TGS1: variants seen among roughly 807,000 people sequenced by gnomAD.
TGS1 encodes trimethylguanosine synthase 1.
A neutral mutation model predicts 92.2 loss-of-function variants in TGS1; 69 were observed. That is an observed-to-expected ratio of 0.75 (90% CI 0.62 to 0.91). TGS1 has a LOEUF of 0.91. Among genes scored for constraint, TGS1 ranks in the 40% least tolerant of loss-of-function variants. The pLI is 0.00. For missense variants in TGS1, 1,062 were observed against 1,001.2 expected, an observed-to-expected ratio of 1.06 and a Z score of -0.82; for synonymous variants, 345 against 338.1, an observed-to-expected ratio of 1.02 and a Z score of -0.22.
intron 10 of TGS1, among the ~76,000 whole-genome samples, chr8:55,806,385 GAA>G (rs34109669): frequency 5.0e-5 from 6 of 121,004 alleles, no homozygotes; most frequent in African/African-American, 1.8e-4. Flanking sequence ...AAAGACAAAA[GAA>G]AAAAAAAAAC....
At position 55,786,724 on chromosome 8, in the gene TGS1, A is replaced by C. The variant is rs1811725965; in HGVS notation, c.826A>C (p.Lys276Gln). 6.2e-7 allele frequency: 1 copy of C among 1,614,180 alleles called. No individual in the cohort carries two copies. The highest frequency in any genetic ancestry group is 1.3e-5 in the African/African-American group (1 of 75,050). Residue 276 changes from lysine (K) to glutamine (Q), a missense_variant, in exon 4 of 13, where the codon AAA becomes CAA. Transcript: ENST00000260129. ...CTGTGATACAGATACTTACACATCT[A>C]AAACAGAAGCTGATGACAAGAACGA... ...QSCDTDTYTS[K>Q]TEADDKNDEK...
intron 1 of TGS1, among the ~76,000 whole-genome samples, chr8:55,779,147 G>A (rs1373082958): frequency 6.6e-6 from 1 of 152,126 alleles, no homozygotes; most frequent in Non-Finnish European, 1.5e-5. Flanking sequence ...TGTGGATTAA[G>A]GTACACTAAT....
At chr8:55,811,464 A>AAG (rs980743005) in intron 11 of TGS1, among the ~76,000 whole-genome samples, 1 of 149,330 alleles carries the variant, frequency 6.7e-6, no homozygotes, top group Non-Finnish European at 1.5e-5. Context: ...TCTGTCTCAA[A>AAG]AGAGAGAGAG....
At chr8:55,809,974 T>C (rs1432934836) in intron 10 of TGS1, among the ~76,000 whole-genome samples, 4 of 152,208 alleles carry the variant, frequency 2.6e-5, no homozygotes, top group Admixed American at 1.3e-4. Context: ...TGAATGTTTA[T>C]TTAGAACAGG....
intron 1 of TGS1, among the ~76,000 whole-genome samples, chr8:55,781,057 A>G (rs1444365632): frequency 6.6e-6 from 1 of 152,196 alleles, no homozygotes; most frequent in African/African-American, 2.4e-5. Context: ...TAGTATTTAG[A>G]AACCAAAAGC....
intron 12 of TGS1, among the ~76,000 whole-genome samples, chr8:55,815,273 A>G (rs1803445140): frequency 6.6e-6 from 1 of 152,240 alleles, no homozygotes; most frequent in African/African-American, 2.4e-5. Context: ...GGGAGTAATG[A>G]CACTAGGGAA....
At chr8:55,796,688 CA>C (rs1206733090) in intron 7 of TGS1, among the ~76,000 whole-genome samples, 3 of 144,598 alleles carry the variant, frequency 2.1e-5, no homozygotes, top group South Asian at 2.2e-4. Flanking sequence ...AACTCCATCT[CA>C]AAAAAAAACA....
At chr8:55,779,486 G>A (rs1199941305) in intron 1 of TGS1, among the ~76,000 whole-genome samples, 1 of 152,198 alleles carries the variant, frequency 6.6e-6, no homozygotes, top group African/African-American at 2.4e-5. Flanking sequence ...TTACAGGCTA[G>A]CACTGTGGTG....
Position 55,810,989 on chromosome 8 carries a change from T to C in TGS1, c.2252T>C (p.Leu751Pro). 2 of 1,614,230 alleles carry C rather than the reference T, an allele frequency of 1.2e-6. No homozygotes were observed. Among genetic ancestry groups the C allele is most frequent in the Non-Finnish European group, 1.7e-6 (2 of 1,180,028 alleles). ...TTCATCTGTGGAGATTTCTTGCTGCTGGCTTCTTTTTTAAAGGCTGATGTT... is the reference window on the plus strand; with the variant it reads ...TTCATCTGTGGAGATTTCTTGCTGCCGGCTTCTTTTTTAAAGGCTGATGTT... ...IEFICGDFLL[L>P]ASFLKADVVF... The change falls in exon 11 of 13, where the codon CTG becomes CCG. Residue 751 changes from leucine to proline, a missense_variant. Physicochemically the swap from Leu to Pro is moderately conservative, Grantham distance 98. Coordinates refer to ENST00000260129, the MANE Select transcript of TGS1 (RefSeq NM_024831.8).
chr8:55,779,323 T>G (rs945485362), intron 1 of TGS1, among the ~76,000 whole-genome samples: 6 of 152,248 alleles, frequency 3.9e-5, no homozygotes, highest in Admixed American at 2.0e-4. Flanking sequence ...TGGTAATCTC[T>G]TGTTGCTGAT....
Position 55,773,694 on chromosome 8 carries a change from T to A in TGS1, c.76T>A (p.Cys26Ser). ...GGAGCGGGAGGATTGTAAGATACTG[T>A]GCCTTTGCTCCAGGGCATTTGTGGA... ...IEEREDCKIL[C>S]LCSRAFVEDR... Residue 26 changes from cysteine (C) to serine (S), a missense_variant, in exon 1 of 13, where the codon TGC becomes AGC. Cys to Ser is a moderately radical substitution (Grantham distance 112). Transcript: ENST00000260129. The A allele has an allele frequency of 6.2e-7, 1 of 1,611,178 alleles. No individual in the cohort carries two copies.
chr8:55,775,601 A>G (rs1266794740), intron 1 of TGS1, among the ~76,000 whole-genome samples: 1 of 152,164 alleles, frequency 6.6e-6, no homozygotes, highest in African/African-American at 2.4e-5. Flanking sequence ...CTGGAGAATC[A>G]TGAATTTTAT....
intron 1 of TGS1, among the ~76,000 whole-genome samples, chr8:55,777,314 C>G (rs1237970074): frequency 6.7e-6 from 1 of 149,046 alleles, no homozygotes; most frequent in Non-Finnish European, 1.5e-5. Context: ...TAGCCAGAAT[C>G]CTGCTAAGTC....
Position 55,787,108 on chromosome 8 carries a change from A to C in TGS1, c.1162+48A>C, listed in dbSNP as rs752335971. 1.2e-5 allele frequency: 17 copies of C among 1,375,846 alleles called. No homozygotes were observed. The African/African-American group carries it at 2.5e-4, about 20-fold the overall frequency. The allele number at this position is 1,375,846 out of a possible 1,614,324, so 85.2% of individuals were successfully genotyped here. ...CTGCCATGTAATGGTTAGCAAAATG[A>C]ATTCATTTAGCAAAATAACTACTAA... On this transcript the variant is annotated intron_variant, in intron 4 of 12. Coordinates refer to ENST00000260129, the MANE Select transcript of TGS1 (RefSeq NM_024831.8).
chr8:55,808,363 G>A (rs567039744), intron 10 of TGS1, among the ~76,000 whole-genome samples: 1 of 152,010 alleles, frequency 6.6e-6, no homozygotes, highest in Non-Finnish European at 1.5e-5. Context: ...CTTAAAAGTT[G>A]TAAAATGTAT....
At chr8:55,802,402 T>A in intron 8 of TGS1, 55 bp from the exon 9 acceptor site, 1 of 1,454,364 alleles carries the variant, frequency 6.9e-7, no homozygotes, top group South Asian at 1.2e-5. Context: ...TAAACTCACC[T>A]GTGATACTAA....
At chr8:55,798,383 G>T (rs191753279) in intron 7 of TGS1, among the ~76,000 whole-genome samples, 1 of 152,264 alleles carries the variant, frequency 6.6e-6, no homozygotes, top group East Asian at 1.9e-4. Context: ...CTCTACTGTT[G>T]CATTAAAAGG....
chr8:55,788,192 A>C (rs1811773717), intron 4 of TGS1, among the ~76,000 whole-genome samples: 1 of 152,198 alleles, frequency 6.6e-6, no homozygotes, highest in South Asian at 2.1e-4. Context: ...TGGCATCCTG[A>C]TGTTACATGC....
At chr8:55,797,977 C>T (rs182237778) in intron 7 of TGS1, among the ~76,000 whole-genome samples, 2 of 152,224 alleles carry the variant, frequency 1.3e-5, no homozygotes, top group East Asian at 1.9e-4. Context: ...TAAATATGTT[C>T]GTGGTGCTAG....
Sources: gnomAD v4.1 joint callset for allele counts (sites outside exome capture counted in the v4.1 genomes callset) on GRCh38, gnomAD v4.1.1 for gene constraint, MANE v1.5 for transcripts, NCBI Gene and HGNC (gene_info 2026-07-23, HGNC 2026-07-21) for gene names.